The following CORIN variants were observed in gnomAD, a reference collection of about 807,000 sequenced individuals.
CORIN encodes the protein atrial natriuretic peptide-converting enzyme.
Under a neutral mutation model 125.3 loss-of-function variants are expected in CORIN, and 117 were observed. The ratio of observed to expected loss-of-function variants is 0.93; its 90% CI spans 0.80 to 1.09. The LOEUF (loss-of-function observed/expected upper bound fraction) is 1.09. Ranked by LOEUF, CORIN falls within the 50% of genes least tolerant of loss-of-function variation. The pLI, the probability that CORIN is intolerant of heterozygous loss-of-function variation, is 0.00. For missense variants in CORIN, 1,253 were observed against 1,306.7 expected (o/e 0.96, Z 0.63); for synonymous variants, 450 against 466.4 (o/e 0.96, Z 0.45).
At chr4:47,686,504 CT>C (rs1725523835) in intron 6 of CORIN, among the ~76,000 whole-genome samples, 2 of 152,178 alleles carry the variant, frequency 1.3e-5, no homozygotes, top group Non-Finnish European at 2.9e-5. Flanking sequence ...ACCCCCACTG[CT>C]GAATGAGGCT....
chr4:47,745,884 T>C (rs1467591584), intron 4 of CORIN, among the ~76,000 whole-genome samples: 1 of 152,210 alleles, frequency 6.6e-6, no homozygotes, highest in African/African-American at 2.4e-5. Context: ...CAGATAAAAA[T>C]ATCTTACCTT....
intron 4 of CORIN, among the ~76,000 whole-genome samples, chr4:47,752,205 G>A (rs1380205174): frequency 1.3e-5 from 2 of 152,040 alleles, no homozygotes; most frequent in Non-Finnish European, 2.9e-5. Flanking sequence ...CCATTCCCCT[G>A]CTTTGCTATT....
chr4:47,634,628 C>G (rs1048342691), intron 16 of CORIN, among the ~76,000 whole-genome samples: 1 of 152,174 alleles, frequency 6.6e-6, no homozygotes, highest in African/African-American at 2.4e-5. Context: ...AAGCGAAACT[C>G]TGTCTTAAAT....
intron 5 of CORIN, among the ~76,000 whole-genome samples, chr4:47,730,527 A>G (rs906519814): frequency 6.6e-6 from 1 of 150,532 alleles, no homozygotes; most frequent in Non-Finnish European, 1.5e-5. Context: ...CAGGAGCCAC[A>G]GACACCCACC....
At chr4:47,774,098 T>C (rs1030397665) in intron 3 of CORIN, among the ~76,000 whole-genome samples, 9 of 152,242 alleles carry the variant, frequency 5.9e-5, no homozygotes. Context: ...AAAAGTGTGA[T>C]AAAACTTGTC....
intron 1 of CORIN, among the ~76,000 whole-genome samples, chr4:47,824,415 G>A (rs544587176): frequency 7.2e-5 from 11 of 152,248 alleles, no homozygotes; most frequent in African/African-American, 2.6e-4. Flanking sequence ...ACACCCAGGT[G>A]AGATCTTGCA....
At chr4:47,693,539 C>T (rs962300634) in intron 5 of CORIN, among the ~76,000 whole-genome samples, 2 of 152,234 alleles carry the variant, frequency 1.3e-5, no homozygotes, top group Middle Eastern at 3.4e-3. Flanking sequence ...AAAACAGAGT[C>T]AGTAAATAAC....
At chr4:47,706,830 A>C in intron 5 of CORIN, 3 of 1,598,330 alleles carry the variant, frequency 1.9e-6, no homozygotes, top group Non-Finnish European at 2.5e-6. Flanking sequence ...TGGATCACCA[A>C]ACCAGTCCAC....
At chr4:47,691,910 G>C (rs147710064) in intron 6 of CORIN, among the ~76,000 whole-genome samples, 3 of 152,318 alleles carry the variant, frequency 2.0e-5, no homozygotes, top group Non-Finnish European at 4.4e-5. Flanking sequence ...TTGGCAAACA[G>C]ACCAGAAGAA....
intron 5 of CORIN, chr4:47,707,097 C>T (rs914526224): frequency 2.1e-6 from 3 of 1,414,446 alleles, no homozygotes; most frequent in Admixed American, 2.9e-5. Flanking sequence ...TTCTTGAATG[C>T]TTTGTCAAAT....
intron 5 of CORIN, among the ~76,000 whole-genome samples, chr4:47,736,633 C>T (rs1160363434): frequency 6.6e-6 from 1 of 152,152 alleles, no homozygotes; most frequent in Non-Finnish European, 1.5e-5. Context: ...TTTTCTCCTC[C>T]TACCCTCCAC....
intron 20 of CORIN, 28 bp from the exon 21 acceptor site, chr4:47,600,375 A>G (rs1255592663): frequency 6.5e-7 from 1 of 1,546,772 alleles, no homozygotes; most frequent in Non-Finnish European, 8.8e-7. Flanking sequence ...AAGAATATAT[A>G]TATGATGATA....
intron 20 of CORIN, among the ~76,000 whole-genome samples, chr4:47,601,320 CTTT>C (rs34035998): frequency 2.7e-5 from 4 of 145,662 alleles, no homozygotes; most frequent in Admixed American, 6.8e-5. Flanking sequence ...TTCAGCAGAT[CTTT>C]TTTTTTTTTT....
chr4:47,816,207 G>A (rs182399954), intron 1 of CORIN, among the ~76,000 whole-genome samples: 12 of 152,254 alleles, frequency 7.9e-5, no homozygotes, highest in African/African-American at 2.6e-4. Flanking sequence ...AAGGAATCCT[G>A]CAGTGAAAAA....
At chr4:47,801,795 A>T (rs1018170284) in intron 2 of CORIN, among the ~76,000 whole-genome samples, 1 of 152,186 alleles carries the variant, frequency 6.6e-6, no homozygotes, top group Non-Finnish European at 1.5e-5. Context: ...ATGCTCTGGG[A>T]CTTTAAATGA....
intron 16 of CORIN, among the ~76,000 whole-genome samples, chr4:47,633,931 C>A (rs1243317093): frequency 6.6e-6 from 1 of 152,060 alleles, no homozygotes; most frequent in African/African-American, 2.4e-5. Flanking sequence ...TCACTTTTCA[C>A]TTCAAAGTTT....
intron 5 of CORIN, among the ~76,000 whole-genome samples, chr4:47,708,241 A>G (rs1726668496): frequency 6.6e-6 from 1 of 152,190 alleles, no homozygotes; most frequent in African/African-American, 2.4e-5. Context: ...CAGGGGTCTC[A>G]CTGGGATAAA....
At chr4:47,642,739 A>T in intron 15 of CORIN, 2 of 882,152 alleles carry the variant, frequency 2.3e-6, no homozygotes, top group Non-Finnish European at 3.3e-6. Flanking sequence ...CTAGACAGTT[A>T]GAAGTCTTGG....
intron 12 of CORIN, among the ~76,000 whole-genome samples, chr4:47,657,465 G>A (rs2109654219): frequency 6.6e-6 from 1 of 150,868 alleles, no homozygotes; most frequent in South Asian, 2.1e-4. Context: ...AACCCATGAG[G>A]TGGAGCTTGC....
Sources: gnomAD v4.1 joint callset for allele counts (sites outside exome capture counted in the v4.1 genomes callset) on GRCh38, gnomAD v4.1.1 for gene constraint, MANE v1.5 for transcripts, NCBI Gene and HGNC (gene_info 2026-07-23, HGNC 2026-07-21) for gene names.